The following ENTREP2 variants were observed in gnomAD, a reference collection of about 807,000 sequenced individuals.
ENTREP2 encodes endosomal transmembrane epsin interactor 2, also known as protein ENTREP2.
the ENTREP2 span, among the ~76,000 whole-genome samples, chr15:29,192,957 G>A: frequency 1.3e-5 from 2 of 152,122 alleles, no homozygotes; most frequent in Admixed American, 1.3e-4. Flanking sequence ...CAGCAAACTA[G>A]GAATAGGAGG....
At chr15:29,471,309 A>G in the ENTREP2 span, among the ~76,000 whole-genome samples, 1 of 152,250 alleles carries the variant, frequency 6.6e-6, no homozygotes, top group Non-Finnish European at 1.5e-5. Flanking sequence ...GCAGAGAGTG[A>G]ATGTGCACAT....
chr15:29,305,891 C>T, the ENTREP2 span, among the ~76,000 whole-genome samples: 12 of 152,324 alleles, frequency 7.9e-5, 2 homozygotes, highest in Middle Eastern at 0.037. Context: ...GAGGAAGACT[C>T]GGGGCTTCGT....
At chr15:29,551,569 C>A in the ENTREP2 span, among the ~76,000 whole-genome samples, 1 of 152,156 alleles carries the variant, frequency 6.6e-6, no homozygotes, top group African/African-American at 2.4e-5. Flanking sequence ...GATACCAGTT[C>A]TCAGCTATCT....
the ENTREP2 span, among the ~76,000 whole-genome samples, chr15:29,538,380 G>A: frequency 1.3e-5 from 2 of 152,124 alleles, no homozygotes; most frequent in South Asian, 2.1e-4. Flanking sequence ...AGAGGCAAAC[G>A]ATGACTGATC....
At chr15:29,559,013 G>A in the ENTREP2 span, among the ~76,000 whole-genome samples, 18 of 152,144 alleles carry the variant, frequency 1.2e-4, no homozygotes, top group Admixed American at 4.6e-4. Flanking sequence ...AAAGTTACAC[G>A]TGGATTTTCA....
At chr15:29,530,503 T>A in the ENTREP2 span, among the ~76,000 whole-genome samples, 1 of 152,188 alleles carries the variant, frequency 6.6e-6, no homozygotes, top group Admixed American at 6.5e-5. Flanking sequence ...GCACTGCAAC[T>A]ACCAGATCGA....
chr15:29,614,893 T>C, the ENTREP2 span, among the ~76,000 whole-genome samples: 3 of 149,314 alleles, frequency 2.0e-5, no homozygotes, highest in Non-Finnish European at 4.5e-5. Context: ...CACGTCTCTA[T>C]TTTTTTTTTA....
At chr15:29,563,257 GT>G in the ENTREP2 span, among the ~76,000 whole-genome samples, 1 of 152,048 alleles carries the variant, frequency 6.6e-6, no homozygotes, top group Non-Finnish European at 1.5e-5. Context: ...CTATTGCTTT[GT>G]TTTTCTGTCC....
At chr15:29,480,845 G>A in the ENTREP2 span, among the ~76,000 whole-genome samples, 1 of 152,176 alleles carries the variant, frequency 6.6e-6, no homozygotes, top group Non-Finnish European at 1.5e-5. Context: ...AGTCTGGGAG[G>A]TAACAGCTGG....
chr15:29,327,409 A>G, the ENTREP2 span, among the ~76,000 whole-genome samples: 2 of 152,212 alleles, frequency 1.3e-5, no homozygotes, highest in East Asian at 3.9e-4. Context: ...CCTGGCTAAC[A>G]CAGTGAAACC....
the ENTREP2 span, among the ~76,000 whole-genome samples, chr15:29,370,042 T>G: frequency 6.6e-6 from 1 of 152,230 alleles, no homozygotes; most frequent in Non-Finnish European, 1.5e-5. Flanking sequence ...AAACCTATTT[T>G]TTTAAATAAA....
the ENTREP2 span, among the ~76,000 whole-genome samples, chr15:29,243,724 A>T: frequency 6.6e-6 from 1 of 152,220 alleles, no homozygotes; most frequent in African/African-American, 2.4e-5. Flanking sequence ...CTGTAGCTTT[A>T]TAACAATAAA....
the ENTREP2 span, among the ~76,000 whole-genome samples, chr15:29,158,475 G>A: frequency 4.1e-5 from 6 of 147,656 alleles, no homozygotes; most frequent in Non-Finnish European, 8.9e-5. Context: ...GCGTGATCTC[G>A]GCTCACTGCA....
the ENTREP2 span, among the ~76,000 whole-genome samples, chr15:29,531,182 C>A: frequency 1.3e-5 from 2 of 152,188 alleles, no homozygotes; most frequent in South Asian, 2.1e-4. Context: ...CTTTGCAAAT[C>A]CTTTATGCGT....
At chr15:29,308,178 C>A in the ENTREP2 span, among the ~76,000 whole-genome samples, 721 of 152,212 alleles carry the variant, frequency 4.7e-3, 2 homozygotes, top group African/African-American at 0.017. Flanking sequence ...TGATGCTTGA[C>A]CAGCCTGGCC....
At chr15:29,650,042 G>A in the ENTREP2 span, among the ~76,000 whole-genome samples, 1 of 152,182 alleles carries the variant, frequency 6.6e-6, no homozygotes, top group East Asian at 1.9e-4. Flanking sequence ...TATCCCAGAG[G>A]ACTTTTAAAC....
chr15:29,240,192 G>A, the ENTREP2 span, among the ~76,000 whole-genome samples: 19 of 150,698 alleles, frequency 1.3e-4, no homozygotes, highest in South Asian at 3.7e-3. Context: ...TAGAAACCCT[G>A]TCTCTACTAA....
the ENTREP2 span, among the ~76,000 whole-genome samples, chr15:29,630,417 T>G: frequency 1.3e-5 from 2 of 152,180 alleles, no homozygotes; most frequent in African/African-American, 4.8e-5. Flanking sequence ...ATTTTTGTCT[T>G]CAGTTTTCAG....
the ENTREP2 span, among the ~76,000 whole-genome samples, chr15:29,620,394 G>A: frequency 6.6e-6 from 1 of 152,110 alleles, no homozygotes; most frequent in Non-Finnish European, 1.5e-5. Context: ...CAGGGACAGT[G>A]CACCTGGGCT....
Sources: allele counts gnomAD v4.1 joint callset (sites outside exome capture counted in the v4.1 genomes callset), GRCh38; gene constraint gnomAD v4.1.1; transcripts MANE v1.5; gene names NCBI Gene and HGNC (gene_info 2026-07-23, HGNC 2026-07-21).